Variants in OR2T33 observed in about 807,000 individuals in gnomAD.
OR2T33 encodes the protein olfactory receptor 2T33.
A neutral mutation model predicts 14.0 loss-of-function variants in OR2T33; 10 were observed. That is an observed-to-expected ratio of 0.72 (90% CI 0.44 to 1.22). The LOEUF is 1.22. OR2T33 is among the 50% of genes most tolerant of loss of function. The pLI, the probability that OR2T33 is intolerant of heterozygous loss-of-function variation, is 0.00. For synonymous variants in OR2T33, 103 were observed against 159.4 expected, an observed-to-expected ratio of 0.65 and a Z score of 2.66; for missense variants, 276 against 405.9, an observed-to-expected ratio of 0.68 and a Z score of 2.75.
At chr1:248,273,907 A>G (rs1286424581) in intron 1 of OR2T33, 85 bp from the exon 2 acceptor site, 4 of 1,521,308 alleles carry the variant, frequency 2.6e-6, no homozygotes, top group Non-Finnish European at 3.5e-6. Context: ...GTTTCCGGAC[A>G]TACGTACTGG....
chr1:248,271,336 T>C lies in OR2T33; in HGVS notation c.*1516A>G, dbSNP rs1659368695. ...AAATTTCACCCATTCTAAGAGAAGA[T>C]TTTTTTAGATGGTATAAATGACAGA... On this transcript the variant is annotated 3_prime_UTR_variant, in exon 2 of 2. Coordinates refer to ENST00000641220, the MANE Select transcript of OR2T33 (RefSeq NM_001004695.2). 1 of 152,162 alleles carries C rather than the reference T, an allele frequency of 6.6e-6. No homozygotes were observed. The highest frequency in any genetic ancestry group is 6.6e-5 in the Admixed American group (1 of 15,264). 9.4% of individuals were successfully genotyped at this position (152,162 alleles called of 1,614,324 possible).
chr1:248,277,216 A>G (rs946451909), intron 1 of OR2T33, among the ~76,000 whole-genome samples: 1 of 151,774 alleles, frequency 6.6e-6, no homozygotes, highest in Non-Finnish European at 1.5e-5. Flanking sequence ...CTTTAGATGT[A>G]GGTGAGGAAT....
intron 1 of OR2T33, among the ~76,000 whole-genome samples, chr1:248,275,530 C>T (rs1659437855): frequency 6.6e-6 from 1 of 152,148 alleles, no homozygotes; most frequent in African/African-American, 2.4e-5. Flanking sequence ...TTTAAACCAC[C>T]ATCAGACTCC....
chr1:248,276,229 G>A (rs12028569), intron 1 of OR2T33, among the ~76,000 whole-genome samples: 24,706 of 151,988 alleles, frequency 0.16, 2,450 homozygotes, highest in East Asian at 0.38. Flanking sequence ...TTCACCTGAC[G>A]CTCACCTCCT....
chr1:248,273,585 G>A lies in OR2T33; in HGVS notation c.230C>T (p.Pro77Leu). Residue 77 changes from proline (P) to leucine (L), a missense_variant, in exon 2 of 2, where the codon CCC becomes CTC. By Grantham distance (98) the Pro-to-Leu change is moderately conservative (BLOSUM62 -3). Transcript: ENST00000641220. ...MDMMLVSTTV[P>L]KMAADYLTGS... is the part of the protein sequence containing the mutation. ...GGTCAAGTAGTCAGCCGCCATTTTG[G>A]GCACAGTGGTGGAAACCAGCATCAT... 6.2e-7 allele frequency: 1 copy of A among 1,613,442 alleles called. No homozygotes were observed. Among genetic ancestry groups the A allele is most frequent in the South Asian group, 1.1e-5 (1 of 91,040 alleles).
At position 248,273,120 on chromosome 1, in the gene OR2T33, C is replaced by T. The variant is rs368660679; in HGVS notation, c.695G>A (p.Arg232His). The change falls in exon 2 of 2, where the codon CGC becomes CAC. Residue 232 changes from arginine (R) to histidine (H), a missense_variant. Physicochemically the swap from Arg to His is conservative, Grantham distance 29 (BLOSUM62 0). Coordinates refer to ENST00000641220, the MANE Select transcript of OR2T33 (RefSeq NM_001004695.2). ...AVLHMRSTEA[R>H]KKAFATCSSH... Reference sequence around the variant, plus strand: ...AGAGCAGGTGGCAAAGGCCTTCTTGCGGGCTTCTGTAGAGCGCATGTGCAG... The same window carrying T: ...AGAGCAGGTGGCAAAGGCCTTCTTGTGGGCTTCTGTAGAGCGCATGTGCAG... 23 of 1,611,528 alleles carry T rather than the reference C, an allele frequency of 1.4e-5. No homozygotes were observed. Among genetic ancestry groups the T allele is most frequent in the East Asian group, 6.7e-5 (3 of 44,882 alleles).
At chr1:248,277,298 C>T (rs1659459235) in intron 1 of OR2T33, among the ~76,000 whole-genome samples, 1 of 152,018 alleles carries the variant, frequency 6.6e-6, no homozygotes, top group Non-Finnish European at 1.5e-5. Flanking sequence ...TCCCCTTCCC[C>T]ACATTCATAC....
rs1241360001 is a variant in OR2T33 at position 248,270,973 on chromosome 1, A to T, written c.*1879T>A. ...AAACAAAAACATTTTGGCCAAAGATATAAAGATACTCTTCTTAAAATTACA... is the reference window on the plus strand; with the variant it reads ...AAACAAAAACATTTTGGCCAAAGATTTAAAGATACTCTTCTTAAAATTACA... On this transcript the variant is annotated 3_prime_UTR_variant, in exon 2 of 2. Coordinates refer to ENST00000641220, the MANE Select transcript of OR2T33 (RefSeq NM_001004695.2). 6.6e-6 allele frequency: 1 copy of T among 152,192 alleles called. No homozygotes were observed. The highest frequency in any genetic ancestry group is 1.5e-5 in the Non-Finnish European group (1 of 68,032). 9.4% of individuals were successfully genotyped at this position (152,192 alleles called of 1,614,324 possible).
chr1:248,273,013 G>A lies in OR2T33; in HGVS notation c.802C>T (p.His268Tyr). 6.2e-7 allele frequency: 1 copy of A among 1,614,038 alleles called. No homozygotes were observed. Among genetic ancestry groups the A allele is most frequent in the South Asian group, 1.1e-5 (1 of 91,076 alleles). ...MRPKSHRSTN[H>Y]DKVVSAFYTM... is the part of the protein sequence containing the mutation. ...TAGAAGGCTGACACAACCTTGTCAT[G>A]GTTAGTGGACCTATGGGATTTGGGT... Residue 268 changes from histidine to tyrosine, a missense_variant, in exon 2 of 2, where the codon CAT (histidine) becomes TAT (tyrosine). His to Tyr is a moderately conservative substitution (Grantham distance 83). Transcript: ENST00000641220.
chr1:248,275,442 A>G (rs1315630463), intron 1 of OR2T33, among the ~76,000 whole-genome samples: 17 of 152,178 alleles, frequency 1.1e-4, no homozygotes, highest in Non-Finnish European at 2.9e-5. Context: ...TTTACATACT[A>G]TTTAAAGTAT....
chr1:248,275,076 T>A (rs549018975), intron 1 of OR2T33, among the ~76,000 whole-genome samples: 1 of 152,328 alleles, frequency 6.6e-6, no homozygotes, highest in African/African-American at 2.4e-5. Flanking sequence ...AAGAGCTAAT[T>A]TCCCACTTTT....
At chr1:248,275,027 G>A (rs74852741) in intron 1 of OR2T33, among the ~76,000 whole-genome samples, 3,166 of 152,204 alleles carry the variant, frequency 0.021, 100 homozygotes, top group African/African-American at 0.072. Context: ...ACAAAGAAGA[G>A]AACTTGTCAA....
At chr1:248,275,525 A>C (rs995311802) in intron 1 of OR2T33, among the ~76,000 whole-genome samples, 2 of 152,140 alleles carry the variant, frequency 1.3e-5, no homozygotes, top group Admixed American at 1.3e-4. Flanking sequence ...ATAACTTTAA[A>C]CCACCATCAG....
At chr1:248,275,644 C>T (rs1659438742) in intron 1 of OR2T33, among the ~76,000 whole-genome samples, 1 of 151,780 alleles carries the variant, frequency 6.6e-6, no homozygotes, top group Admixed American at 6.6e-5. Context: ...GCGTGTATAC[C>T]TGTGTAATGA....
In OR2T33 at chr1:248,270,886, T is replaced by C. The variant is rs1281201181; in HGVS notation, c.*1966A>G. 1 of 152,048 alleles carries C rather than the reference T, an allele frequency of 6.6e-6. No homozygotes were observed. The highest frequency in any genetic ancestry group is 2.4e-5 in the African/African-American group (1 of 41,406). 9.4% of individuals were successfully genotyped at this position (152,048 alleles called of 1,614,324 possible). Reference sequence around the variant, plus strand: ...CAGGAAAAAATATTTATAGTACAGATGTTTGACAAAATACTTTTGTCCAGA... The same window carrying C: ...CAGGAAAAAATATTTATAGTACAGACGTTTGACAAAATACTTTTGTCCAGA... On this transcript the variant is annotated 3_prime_UTR_variant, in exon 2 of 2. Coordinates refer to ENST00000641220, the MANE Select transcript of OR2T33 (RefSeq NM_001004695.2).
chr1:248,270,202 AG>A lies in OR2T33; in HGVS notation c.*2649del, dbSNP rs1309313801. The A allele has an allele frequency of 6.6e-6, 1 of 152,030 alleles. No individual in the cohort carries two copies. The highest frequency in any genetic ancestry group is 1.5e-5 in the Non-Finnish European group (1 of 68,004). The allele number at this position is 152,030 out of a possible 1,614,324, so 9.4% of individuals were successfully genotyped here. On this transcript the variant is annotated 3_prime_UTR_variant, in exon 2 of 2. Coordinates refer to ENST00000641220, the MANE Select transcript of OR2T33 (RefSeq NM_001004695.2). The stretch of plus-strand genomic sequence containing the variant: ...CCAAACACAGCATGTTCTCACTCAT[AG>A]GTGGGAATTGAACAATGAGAACACT...
At chr1:248,276,111 T>C (rs1411360343) in intron 1 of OR2T33, among the ~76,000 whole-genome samples, 2 of 152,126 alleles carry the variant, frequency 1.3e-5, no homozygotes, top group Admixed American at 1.3e-4. Context: ...ATAAAAAGCA[T>C]GTGATATAGA....
chr1:248,271,970 C>G lies in OR2T33; in HGVS notation c.*882G>C, dbSNP rs1192212069. ...GTCCCAAATTTTTCAACAGAAATAC[C>G]TCTAATTACCTATGTCTTGGCAGAA... On this transcript the variant is annotated 3_prime_UTR_variant, in exon 2 of 2. Transcript: ENST00000641220. 1 of 152,022 alleles carries G rather than the reference C, an allele frequency of 6.6e-6. No individual in the cohort carries two copies. Among genetic ancestry groups the G allele is most frequent in the Non-Finnish European group, 1.5e-5 (1 of 67,994 alleles). The allele number at this position is 152,022 out of a possible 1,614,324, so 9.4% of individuals were successfully genotyped here. A position where few individuals can be genotyped will look rare whatever the true frequency, so the allele number is the denominator to read the frequency against.
chr1:248,276,723 A>T (rs779251649), intron 1 of OR2T33, among the ~76,000 whole-genome samples: 38 of 152,172 alleles, frequency 2.5e-4, no homozygotes, highest in Non-Finnish European at 4.7e-4. Flanking sequence ...AAAAATTATG[A>T]TGTATAATAT....
Sources: allele counts gnomAD v4.1 joint callset (sites outside exome capture counted in the v4.1 genomes callset), GRCh38; gene constraint gnomAD v4.1.1; transcripts MANE v1.5; gene names NCBI Gene and HGNC (gene_info 2026-07-23, HGNC 2026-07-21).